The following RANBP17 variants were observed in gnomAD, a reference collection of about 807,000 sequenced individuals.
RANBP17 encodes the protein ran-binding protein 17.
RANBP17 carries 158 observed loss-of-function variants against 141.2 expected under a neutral mutation model. The observed-to-expected ratio is 1.12, with a 90% CI of 0.98 to 1.28. The LOEUF (loss-of-function observed/expected upper bound fraction) is 1.28, where lower values mean the gene tolerates loss of function less well. Ranked by LOEUF, RANBP17 falls within the 50% of genes most tolerant of loss-of-function variation. RANBP17 has a pLI of 0.00. For synonymous variants in RANBP17, 430 were observed against 450.0 expected (o/e 0.96, Z 0.56); for missense variants, 1,438 against 1,290.7 (o/e 1.11, Z -1.75).
chr5:171,061,740 T>G (rs1424799491), intron 14 of RANBP17, among the ~76,000 whole-genome samples: 1 of 152,190 alleles, frequency 6.6e-6, no homozygotes, highest in East Asian at 1.9e-4. Flanking sequence ...CTCTCATTGA[T>G]CTGTCTAATG....
intron 14 of RANBP17, chr5:171,158,579 G>T (rs1367704302): frequency 5.8e-6 from 1 of 173,350 alleles, no homozygotes; most frequent in Non-Finnish European, 1.2e-5. Flanking sequence ...AGTACTGGTG[G>T]CTTTCCATTT....
At chr5:171,064,232 C>T (rs1227447023) in intron 14 of RANBP17, among the ~76,000 whole-genome samples, 1 of 152,218 alleles carries the variant, frequency 6.6e-6, no homozygotes, top group Non-Finnish European at 1.5e-5. Flanking sequence ...GATGGAAATG[C>T]AGAAATCACC....
rs937761517 is a variant in RANBP17 at position 170,925,356 on chromosome 5, G to A, written c.1468+806G>A. On this transcript the variant is annotated intron_variant, in intron 12 of 27. Transcript: ENST00000523189. ...GTTAAGTCACACAGTACTGATGAGG[G>A]GCTAGTGTGAGATAATCTTCTCTAC... is the stretch of plus-strand genomic sequence containing the variant. Among the ~76,000 whole-genome samples, 7 of 152,022 alleles carry A rather than the reference G, an allele frequency of 4.6e-5. No individual in the cohort carries two copies. The East Asian group carries it at 1.4e-3, about 29-fold the overall frequency.
intron 22 of RANBP17, among the ~76,000 whole-genome samples, chr5:171,237,760 A>G (rs368841914): frequency 2.7e-5 from 4 of 149,792 alleles, no homozygotes; most frequent in East Asian, 2.0e-4. Context: ...CATCAGTGCA[A>G]TGTAGATCTC....
chr5:171,193,482 A>G (rs529283105), intron 18 of RANBP17, among the ~76,000 whole-genome samples: 2 of 152,274 alleles, frequency 1.3e-5, no homozygotes, highest in South Asian at 2.1e-4. Flanking sequence ...TTTACTGACT[A>G]TATTGGTTTT....
intron 14 of RANBP17, among the ~76,000 whole-genome samples, chr5:171,079,347 C>T (rs1182829268): frequency 3.3e-5 from 5 of 152,046 alleles, no homozygotes; most frequent in Non-Finnish European, 7.4e-5. Flanking sequence ...GTGAAGATGC[C>T]GTGAACGTTG....
intron 24 of RANBP17, among the ~76,000 whole-genome samples, chr5:171,258,299 G>A (rs1360303787): frequency 2.6e-5 from 4 of 152,044 alleles, no homozygotes; most frequent in Non-Finnish European, 4.4e-5. Flanking sequence ...TTGTTAAAAT[G>A]TCCATATTGC....
In RANBP17 at chr5:171,137,781, C is replaced by T. The variant is rs182534896; in HGVS notation, c.1711-32349C>T. On this transcript the variant is annotated intron_variant, in intron 14 of 27. Coordinates refer to ENST00000523189, the MANE Select transcript of RANBP17 (RefSeq NM_022897.5). The stretch of plus-strand genomic sequence containing the variant: ...TTCATGAATTTTTATCCTTGTATTC[C>T]TCCCACTCTGATTCAATTTTATATT... Among the ~76,000 whole-genome samples the T allele has an allele frequency of 1.8e-3, 276 of 151,894 alleles. 2 individuals are homozygous for T. The highest frequency in any genetic ancestry group is 6.5e-3 in the African/African-American group (268 of 41,408).
At chr5:170,908,529 A>G (rs189866941) in intron 5 of RANBP17, among the ~76,000 whole-genome samples, 4 of 151,444 alleles carry the variant, frequency 2.6e-5, no homozygotes, top group Non-Finnish European at 5.9e-5. Context: ...GAGAGATAGA[A>G]AGGGGTAAAG....
intron 14 of RANBP17, among the ~76,000 whole-genome samples, chr5:171,038,033 A>G (rs1781997245): frequency 6.6e-6 from 1 of 152,122 alleles, no homozygotes; most frequent in African/African-American, 2.4e-5. Flanking sequence ...TTTTAACAAT[A>G]TTGATTCCTC....
intron 14 of RANBP17, among the ~76,000 whole-genome samples, chr5:171,048,780 A>G (rs1782760034): frequency 6.6e-6 from 1 of 152,134 alleles, no homozygotes; most frequent in Admixed American, 6.6e-5. Flanking sequence ...TGGCCTCAAG[A>G]TCCATTCATG....
At position 171,089,339 on chromosome 5, in the gene RANBP17, G is replaced by C. The variant is rs1385048870; in HGVS notation, c.1711-80791G>C. On this transcript the variant is annotated intron_variant, in intron 14 of 27. Coordinates refer to ENST00000523189, the MANE Select transcript of RANBP17 (RefSeq NM_022897.5). ...GTTCTCAGATCTCCAGCTGCGTGCT[G>C]GGAGAACCACTGCTCTCTTCAAAGC... is the stretch of plus-strand genomic sequence containing the variant. 1.9e-3 allele frequency among the ~76,000 whole-genome samples: 268 copies of C among 143,184 alleles called. 7 individuals carry two copies. In the East Asian group the frequency reaches 0.053, roughly 28 times the overall value. The allele number at this position is 143,184 out of a possible 152,430, so 93.9% of individuals were successfully genotyped here. A position where few individuals can be genotyped will look rare whatever the true frequency, so the allele number is the denominator to read the frequency against.
At position 170,945,327 on chromosome 5, in the gene RANBP17, A is replaced by C. The variant is rs1176828578; in HGVS notation, c.1469-8270A>C. Among the ~76,000 whole-genome samples the C allele has an allele frequency of 2.0e-5, 3 of 152,188 alleles. No individual in the cohort carries two copies. The East Asian group carries it at 5.8e-4, about 29-fold the overall frequency. ...GGCACAGAAAGAACATGGATGTTAC[A>C]TATTGGTATGTCTTATGTTTTTTTG... is the stretch of plus-strand genomic sequence containing the variant. On this transcript the variant is annotated intron_variant, in intron 12 of 27. Coordinates refer to ENST00000523189, the MANE Select transcript of RANBP17 (RefSeq NM_022897.5).
chr5:171,241,933 T>G (rs776099095), intron 23 of RANBP17, among the ~76,000 whole-genome samples: 1 of 152,156 alleles, frequency 6.6e-6, no homozygotes, highest in Non-Finnish European at 1.5e-5. Flanking sequence ...CCCCAAGTGA[T>G]TCCTATTGAG....
chr5:171,243,297 G>T (rs1765004292), intron 24 of RANBP17, among the ~76,000 whole-genome samples: 1 of 151,970 alleles, frequency 6.6e-6, no homozygotes, highest in Non-Finnish European at 1.5e-5. Context: ...TTTGCATCTG[G>T]CTTCTTTCAT....
intron 14 of RANBP17, among the ~76,000 whole-genome samples, chr5:170,988,298 TTAAG>T (rs564300784): frequency 6.6e-6 from 1 of 151,630 alleles, no homozygotes; most frequent in South Asian, 2.1e-4. Context: ...TTTTTTTTTT[TTAAG>T]TAAGGGAGAG....
intron 3 of RANBP17, among the ~76,000 whole-genome samples, chr5:170,883,089 A>T (rs1404162375): frequency 6.6e-6 from 1 of 152,202 alleles, no homozygotes; most frequent in East Asian, 1.9e-4. Flanking sequence ...TGTTATTTTT[A>T]TAAGCACTCT....
intron 21 of RANBP17, among the ~76,000 whole-genome samples, chr5:171,218,182 C>G (rs1763339006): frequency 6.6e-6 from 1 of 152,110 alleles, no homozygotes; most frequent in African/African-American, 2.4e-5. Flanking sequence ...TGTTCAGTTT[C>G]CATGTAGTTG....
At chr5:170,989,117 T>A (rs1337487728) in intron 14 of RANBP17, among the ~76,000 whole-genome samples, 3 of 151,870 alleles carry the variant, frequency 2.0e-5, no homozygotes, top group African/African-American at 7.2e-5. Flanking sequence ...GTGCTAAAAT[T>A]ATTATTTGTC....
Sources: allele counts gnomAD v4.1 joint callset (sites outside exome capture counted in the v4.1 genomes callset), GRCh38; gene constraint gnomAD v4.1.1; transcripts MANE v1.5; gene names NCBI Gene and HGNC (gene_info 2026-07-23, HGNC 2026-07-21).